Variants in ARHGAP12 observed in about 807,000 individuals in gnomAD.
ARHGAP12 encodes Rho GTPase activating protein 12.
A neutral mutation model predicts 108.6 loss-of-function variants in ARHGAP12; 64 were observed. That is an observed-to-expected ratio of 0.59 (90% confidence interval 0.48 to 0.73). The LOEUF (loss-of-function observed/expected upper bound fraction) is 0.73, where lower values mean the gene tolerates loss of function less well. Ranked by LOEUF, ARHGAP12 falls within the 30% of genes least tolerant of loss-of-function variation. The pLI is 0.00. For synonymous variants in ARHGAP12, 312 were observed against 337.2 expected, an observed-to-expected ratio of 0.93 and a Z score of 0.82; for missense variants, 940 against 1,005.9, an observed-to-expected ratio of 0.93 and a Z score of 0.89.
At chr10:31,810,292 A>C (rs952111935) in intron 16 of ARHGAP12, among the ~76,000 whole-genome samples, 1 of 152,160 alleles carries the variant, frequency 6.6e-6, no homozygotes, top group African/African-American at 2.4e-5. Context: ...TTAGTAAGTA[A>C]ACACAATCTC....
chr10:31,853,936 C>T, intron 5 of ARHGAP12, 130 bp downstream of exon 5: 1 of 960,572 alleles, frequency 1.0e-6, no homozygotes, highest in Non-Finnish European at 1.5e-6. Context: ...TGTCAATTGG[C>T]ATGATTATAA....
At chr10:31,928,462 C>T (rs1416146977) in intron 1 of ARHGAP12, among the ~76,000 whole-genome samples, 1 of 150,350 alleles carries the variant, frequency 6.7e-6, no homozygotes, top group Non-Finnish European at 1.5e-5. Context: ...CGGCCCCCTC[C>T]CCCTCGGCGC....
chr10:31,904,334 C>G (rs2808040), intron 3 of ARHGAP12, among the ~76,000 whole-genome samples: 1 of 152,186 alleles, frequency 6.6e-6, no homozygotes, highest in African/African-American at 2.4e-5. Flanking sequence ...TACAGAGTTA[C>G]ACTGAATGAA....
At chr10:31,841,831 C>T (rs1339414684) in intron 7 of ARHGAP12, among the ~76,000 whole-genome samples, 1 of 152,134 alleles carries the variant, frequency 6.6e-6, no homozygotes, top group Non-Finnish European at 1.5e-5. Flanking sequence ...CACACTTCAT[C>T]CCTTATCACA....
intron 3 of ARHGAP12, among the ~76,000 whole-genome samples, chr10:31,861,902 G>A (rs1837131480): frequency 6.6e-6 from 1 of 152,132 alleles, no homozygotes; most frequent in Admixed American, 6.5e-5. Flanking sequence ...ACAGTGTGAT[G>A]GACAGCCAAG....
At chr10:31,835,323 TC>T (rs1380039555) in intron 9 of ARHGAP12, among the ~76,000 whole-genome samples, 1 of 152,166 alleles carries the variant, frequency 6.6e-6, no homozygotes, top group Non-Finnish European at 1.5e-5. Context: ...TAAGAAAGCT[TC>T]ATAAAAAATA....
intron 1 of ARHGAP12, among the ~76,000 whole-genome samples, chr10:31,914,801 A>G (rs1839488673): frequency 6.6e-6 from 1 of 152,238 alleles, no homozygotes; most frequent in Non-Finnish European, 1.5e-5. Flanking sequence ...ATATATTCTA[A>G]GGAAATGAAA....
intron 6 of ARHGAP12, among the ~76,000 whole-genome samples, chr10:31,849,107 T>C (rs984615713): frequency 3.3e-5 from 5 of 152,174 alleles, no homozygotes; most frequent in African/African-American, 1.2e-4. Context: ...TACCATGTTT[T>C]GATTCTTCTT....
intron 2 of ARHGAP12, among the ~76,000 whole-genome samples, chr10:31,909,906 G>GA (rs891058776): frequency 1.9e-4 from 29 of 151,650 alleles, no homozygotes; most frequent in African/African-American, 6.8e-4. Context: ...AAAATAAAAA[G>GA]AAAAAAAGGA....
chr10:31,817,696 T>C (rs1198328558), intron 13 of ARHGAP12, 92 bp downstream of exon 13: 14 of 816,880 alleles, frequency 1.7e-5, no homozygotes, highest in Non-Finnish European at 2.7e-5. Flanking sequence ...CCTTTTCACA[T>C]ATAGATTGCA....
At chr10:31,923,065 C>T (rs557511332) in intron 1 of ARHGAP12, among the ~76,000 whole-genome samples, 14 of 144,262 alleles carry the variant, frequency 9.7e-5, no homozygotes, top group African/African-American at 2.1e-4. Context: ...TGGGAGTTCG[C>T]GACTGCAGTG....
chr10:31,886,183 T>A (rs1838181878), intron 3 of ARHGAP12, among the ~76,000 whole-genome samples: 1 of 152,226 alleles, frequency 6.6e-6, no homozygotes, highest in Admixed American at 6.5e-5. Context: ...ATTTTCCACA[T>A]CTGTTGTTTT....
chr10:31,880,607 A>C, intron 3 of ARHGAP12, among the ~76,000 whole-genome samples: 1 of 152,216 alleles, frequency 6.6e-6, no homozygotes, highest in East Asian at 1.9e-4. Flanking sequence ...GCCTAATAAT[A>C]TCACTTCATG....
Position 31,843,525 on chromosome 10 carries a change from A to G in ARHGAP12, c.1232T>C (p.Leu411Pro), listed in dbSNP as rs758604696. ...CTTTGTTAATACTATTGGTTCTTGCAGCCGCCTGTCCAGGCTCCTACTTTT... is the reference window on the plus strand; with the variant it reads ...CTTTGTTAATACTATTGGTTCTTGCGGCCGCCTGTCCAGGCTCCTACTTTT... ...IIKSRSLDRR[L>P]QEPIVLTKWR... is the part of the protein sequence containing the mutation. The change falls in exon 7 of 20, where the codon CTG (leucine) becomes CCG (proline). Residue 411 changes from leucine (L) to proline (P), a missense_variant. By Grantham distance (98) the Leu-to-Pro change is moderately conservative (BLOSUM62 -3). Coordinates refer to ENST00000344936, the MANE Select transcript of ARHGAP12 (RefSeq NM_018287.7). The G allele has an allele frequency of 1.9e-6, 3 of 1,613,288 alleles. No individual in the cohort carries two copies. Among genetic ancestry groups the G allele is most frequent in the African/African-American group, 1.3e-5 (1 of 74,874 alleles).
intron 3 of ARHGAP12, among the ~76,000 whole-genome samples, chr10:31,897,489 G>A (rs925428928): frequency 6.6e-6 from 1 of 152,088 alleles, no homozygotes; most frequent in African/African-American, 2.4e-5. Context: ...GTTGGGTGTG[G>A]GGTGGGGGCG....
intron 6 of ARHGAP12, among the ~76,000 whole-genome samples, chr10:31,847,494 C>T (rs907099245): frequency 2.0e-5 from 3 of 152,186 alleles, no homozygotes; most frequent in Non-Finnish European, 4.4e-5. Flanking sequence ...CACCATGTTT[C>T]AGTTCTCAAA....
intron 1 of ARHGAP12, among the ~76,000 whole-genome samples, chr10:31,923,066 G>A (rs756472643): frequency 6.8e-6 from 1 of 146,270 alleles, no homozygotes; most frequent in Non-Finnish European, 1.5e-5. Context: ...GGGAGTTCGC[G>A]ACTGCAGTGA....
Position 31,917,072 on chromosome 10 carries a change from C to A in ARHGAP12, c.-110-6509G>T, listed in dbSNP as rs138260682. On this transcript the variant is annotated intron_variant, in intron 1 of 19. Coordinates refer to ENST00000344936, the MANE Select transcript of ARHGAP12 (RefSeq NM_018287.7). ...CTTTTCCAGTTTAAGCACTGAACTT[C>A]GCATCAAATCCTCCGAGTATTTTTT... is the stretch of plus-strand genomic sequence containing the variant. Among the ~76,000 whole-genome samples, 11 of 152,186 alleles carry A rather than the reference C, an allele frequency of 7.2e-5. No homozygotes were observed. The East Asian group carries it at 1.9e-3, about 27-fold the overall frequency.
chr10:31,863,908 T>C (rs978853814), intron 3 of ARHGAP12, among the ~76,000 whole-genome samples: 1 of 152,102 alleles, frequency 6.6e-6, no homozygotes, highest in Non-Finnish European at 1.5e-5. Context: ...TATTTAAACA[T>C]CACAATCAAC....
Sources: allele counts gnomAD v4.1 joint callset (sites outside exome capture counted in the v4.1 genomes callset), GRCh38; gene constraint gnomAD v4.1.1; transcripts MANE v1.5; gene names NCBI Gene and HGNC (gene_info 2026-07-23, HGNC 2026-07-21).